The following GNAI1 variants were observed in gnomAD, a reference collection of about 807,000 sequenced individuals.
The protein encoded by GNAI1 is G protein subunit alpha i1.
GNAI1 carries 11 observed loss-of-function variants against 38.9 expected under a neutral mutation model. The ratio of observed to expected loss-of-function variants is 0.28; its 90% confidence interval spans 0.18 to 0.47. The LOEUF (loss-of-function observed/expected upper bound fraction) is 0.47, where lower values mean the gene tolerates loss of function less well. GNAI1 is among the 20% of genes least tolerant of loss of function. The pLI is 0.99. For missense variants in GNAI1, 317 were observed against 436.9 expected, an observed-to-expected ratio of 0.73 and a Z score of 2.45; for synonymous variants, 166 against 145.1, an observed-to-expected ratio of 1.14 and a Z score of -1.04.
chr7:80,199,446 C>T (rs1312063245), intron 4 of GNAI1, 64 bp downstream of exon 4: 6 of 1,224,986 alleles, frequency 4.9e-6, no homozygotes, highest in Non-Finnish European at 6.9e-6. Context: ...AAATATACTT[C>T]CAAGTCAATT....
intron 7 of GNAI1, 82 bp from the exon 8 acceptor site, chr7:80,217,221 C>G: frequency 1.1e-6 from 1 of 905,068 alleles, no homozygotes; most frequent in Non-Finnish European, 1.7e-6. Flanking sequence ...ACTTCAGTTT[C>G]ATATGTATGA....
intron 3 of GNAI1, among the ~76,000 whole-genome samples, chr7:80,199,014 C>T (rs2115667525): frequency 6.6e-6 from 1 of 152,194 alleles, no homozygotes; most frequent in South Asian, 2.1e-4. Context: ...CTACTAACAC[C>T]ACAAAACATA....
At chr7:80,180,936 CCA>C (rs1324057467) in intron 1 of GNAI1, among the ~76,000 whole-genome samples, 2 of 152,056 alleles carry the variant, frequency 1.3e-5, no homozygotes, top group Non-Finnish European at 1.5e-5. Flanking sequence ...AGGGCATCCT[CCA>C]TTATGTGATC....
chr7:80,135,910 G>C (rs1245317396), intron 1 of GNAI1: 4 of 985,272 alleles, frequency 4.1e-6, no homozygotes, highest in South Asian at 9.4e-5. Flanking sequence ...TTCTTGCTGT[G>C]GGGGCATGGA....
chr7:80,156,119 G>A (rs554241439), intron 1 of GNAI1, among the ~76,000 whole-genome samples: 1 of 151,742 alleles, frequency 6.6e-6, no homozygotes, highest in African/African-American at 2.4e-5. Context: ...TCTTCCTCGT[G>A]AAATTCAAAA....
intron 1 of GNAI1, among the ~76,000 whole-genome samples, chr7:80,187,694 G>A (rs1023529258): frequency 6.6e-6 from 1 of 152,086 alleles, no homozygotes; most frequent in Non-Finnish European, 1.5e-5. Context: ...TCCTGGGCCC[G>A]GTGTCTCAAA....
chr7:80,217,139 A>G (rs1788982312), intron 7 of GNAI1, among the ~76,000 whole-genome samples, 164 bp from the exon 8 acceptor site: 1 of 150,996 alleles, frequency 6.6e-6, no homozygotes, highest in African/African-American at 2.4e-5. Context: ...TTTCATTTAG[A>G]AGAAATAGTG....
chr7:80,159,970 A>G (rs896788842), intron 1 of GNAI1, among the ~76,000 whole-genome samples: 3 of 152,210 alleles, frequency 2.0e-5, no homozygotes, highest in South Asian at 4.1e-4. Context: ...GTTATGTAGC[A>G]GTAACGTTGA....
Position 80,146,907 on chromosome 7 carries a change from C to G in GNAI1, c.118+11629C>G, listed in dbSNP as rs1197273273. 4.6e-5 allele frequency among the ~76,000 whole-genome samples: 7 copies of G among 152,316 alleles called. No homozygotes were observed. The South Asian group carries it at 1.4e-3, about 32-fold the overall frequency. Reference sequence around the variant, plus strand: ...CATGAACACACACATATCTATCACACTTAATATTATTGCTGTTTTATAGTT... The same window carrying G: ...CATGAACACACACATATCTATCACAGTTAATATTATTGCTGTTTTATAGTT... On this transcript the variant is annotated intron_variant, in intron 1 of 7. Transcript: ENST00000649796.
intron 4 of GNAI1, among the ~76,000 whole-genome samples, chr7:80,202,116 A>C (rs1416474637): frequency 6.6e-6 from 1 of 151,976 alleles, no homozygotes; most frequent in Non-Finnish European, 1.5e-5. Flanking sequence ...TTTGAGATGG[A>C]GTCGGGCTTT....
In GNAI1 at chr7:80,179,800, G is replaced by C. The variant is rs1482361112; in HGVS notation, c.119-9151G>C. 5.3e-5 allele frequency among the ~76,000 whole-genome samples: 8 copies of C among 152,212 alleles called. No homozygotes were observed. In the East Asian group the frequency reaches 1.5e-3, roughly 29 times the overall value. On this transcript the variant is annotated intron_variant, in intron 1 of 7. Transcript: ENST00000649796. The stretch of plus-strand genomic sequence containing the variant: ...AAGGGCAGCCTGAACAGTGCCAGGT[G>C]ATAGGTGCACAAGAAGTGGGTTATG...
At position 80,225,119 on chromosome 7, in the gene GNAI1, T is replaced by TG. The variant is rs1278602038; in HGVS notation, c.*7629dup. Among the ~76,000 whole-genome samples the TG allele has an allele frequency of 6.6e-6, 1 of 152,196 alleles. No homozygotes were observed. Among genetic ancestry groups the TG allele is most frequent in the Non-Finnish European group, 1.5e-5 (1 of 68,040 alleles). On this transcript the variant is annotated 3_prime_UTR_variant, in exon 8 of 8. Transcript: ENST00000649796. ...TAAATCACACCTTCAGTGACTTTCT[T>TG]GGGAAATGGTGGGCCTCAGTAAAGA...
intron 5 of GNAI1, among the ~76,000 whole-genome samples, chr7:80,207,401 G>A (rs186444471): frequency 3.9e-5 from 6 of 152,120 alleles, no homozygotes; most frequent in Admixed American, 6.6e-5. Flanking sequence ...CAGTAAAGTT[G>A]ACTCTCAACA....
intron 1 of GNAI1, among the ~76,000 whole-genome samples, chr7:80,175,061 T>G (rs2115577604): frequency 6.6e-6 from 1 of 152,288 alleles, no homozygotes; most frequent in African/African-American, 2.4e-5. Flanking sequence ...TGTATGAATG[T>G]TTGAGTTGTG....
chr7:80,188,876 G>A, intron 1 of GNAI1, 75 bp from the exon 2 acceptor site: 1 of 855,044 alleles, frequency 1.2e-6, no homozygotes, highest in Non-Finnish European at 2.0e-6. Flanking sequence ...GTGTGTGTGT[G>A]TTTGTGTGTT....
intron 3 of GNAI1, among the ~76,000 whole-genome samples, chr7:80,195,432 G>A (rs1293925640): frequency 6.6e-6 from 1 of 151,022 alleles, no homozygotes; most frequent in Non-Finnish European, 1.5e-5. Context: ...TTATATTTCT[G>A]CTTTTAGAAA....
At chr7:80,150,820 C>A (rs1787711193) in intron 1 of GNAI1, among the ~76,000 whole-genome samples, 1 of 152,134 alleles carries the variant, frequency 6.6e-6, no homozygotes, top group African/African-American at 2.4e-5. Context: ...GCCTTATTTA[C>A]TCCTTATTGC....
At position 80,224,014 on chromosome 7, in the gene GNAI1, C is replaced by G. The variant is rs1419544804; in HGVS notation, c.*6521C>G. Reference sequence around the variant, plus strand: ...GTGCCCTTTCTTCTTTCTGAGAGCCCCACCTCTGATCCTCCTACACTTAAG... The same window carrying G: ...GTGCCCTTTCTTCTTTCTGAGAGCCGCACCTCTGATCCTCCTACACTTAAG... On this transcript the variant is annotated 3_prime_UTR_variant, in exon 8 of 8. Transcript: ENST00000649796. Among the ~76,000 whole-genome samples, 1 of 152,088 alleles carries G rather than the reference C, an allele frequency of 6.6e-6. No individual in the cohort carries two copies. Among genetic ancestry groups the G allele is most frequent in the East Asian group, 1.9e-4 (1 of 5,188 alleles).
intron 1 of GNAI1, among the ~76,000 whole-genome samples, chr7:80,153,211 C>G (rs1787758848): frequency 1.3e-5 from 2 of 152,100 alleles, no homozygotes; most frequent in African/African-American, 4.8e-5. Flanking sequence ...TCAAGCTTGT[C>G]ATGTCATAGA....
Sources: gnomAD v4.1 joint callset for allele counts (sites outside exome capture counted in the v4.1 genomes callset) on GRCh38, gnomAD v4.1.1 for gene constraint, MANE v1.5 for transcripts, NCBI Gene and HGNC (gene_info 2026-07-23, HGNC 2026-07-21) for gene names.